The following ARHGEF18 variants were observed in gnomAD, a reference collection of about 807,000 sequenced individuals.
The protein encoded by ARHGEF18 is rho guanine nucleotide exchange factor 18.
A neutral mutation model predicts 155.7 loss-of-function variants in ARHGEF18; 93 were observed. The observed-to-expected ratio is 0.60, with a 90% CI of 0.50 to 0.71. The LOEUF is 0.71. Among genes scored for constraint, ARHGEF18 ranks in the 30% least tolerant of loss-of-function variants. The pLI, the probability that ARHGEF18 is intolerant of heterozygous loss-of-function variation, is 0.00. For missense variants in ARHGEF18, 1,593 were observed against 1,816.1 expected, an observed-to-expected ratio of 0.88 and a Z score of 2.23; for synonymous variants, 742 against 753.1, an observed-to-expected ratio of 0.99 and a Z score of 0.24.
chr19:7,385,445 T>TTATTAC (rs1970955012), intron 10 of ARHGEF18, among the ~76,000 whole-genome samples: 1 of 83,402 alleles, frequency 1.2e-5, no homozygotes, highest in Non-Finnish European at 2.2e-5. Context: ...GGGAACTTCA[T>TTATTAC]TATTATTATT....
downstream of ARHGEF18, chr19:7,477,463 A>C: frequency 7.2e-7 from 1 of 1,391,724 alleles, no homozygotes; most frequent in East Asian, 2.8e-5. Context: ...GGCCGCTTAC[A>C]CTCACGCTCA....
In ARHGEF18 at chr19:7,440,583, A is replaced by G; in HGVS notation, c.1106+101A>G. 2.2e-6 allele frequency: 3 copies of G among 1,363,116 alleles called. No homozygotes were observed. Among genetic ancestry groups the G allele is most frequent in the Non-Finnish European group, 2.9e-6 (3 of 1,018,046 alleles). The allele number at this position is 1,363,116 out of a possible 1,614,324, so 84.4% of individuals were successfully genotyped here. ...GGAGACCCCGACTTAGATCTGTGTG[A>G]ATCCACACGGCAGCCCCCGTGCTAA... On this transcript the variant is annotated intron_variant, in intron 11 of 28. Transcript: ENST00000668164. This position sits in a 1 kb window ranked among gnomAD's most constrained non-coding sequence, Gnocchi z 5.4.
chr19:7,458,406 G>A (rs1239046324), intron 18 of ARHGEF18, 106 bp from the exon 19 acceptor site: 1 of 998,874 alleles, frequency 1.0e-6, no homozygotes, highest in Non-Finnish European at 1.4e-6. Context: ...AAGAAATGAG[G>A]AGCGTGACCC....
intron 20 of ARHGEF18, among the ~76,000 whole-genome samples, chr19:7,461,464 C>T (rs1333210551): frequency 2.6e-5 from 4 of 152,034 alleles, no homozygotes; most frequent in East Asian, 1.9e-4. Flanking sequence ...GCAGGAGAAT[C>T]GCTTGAACCC....
chr19:7,459,788 A>G (rs1182152476), intron 19 of ARHGEF18, 115 bp from the exon 20 acceptor site: 3 of 836,130 alleles, frequency 3.6e-6, no homozygotes, highest in Non-Finnish European at 5.6e-6. Flanking sequence ...CGAACAAGCT[A>G]AATCACTCCC....
intron 15 of ARHGEF18, among the ~76,000 whole-genome samples, chr19:7,449,886 C>G (rs2145821615): frequency 6.6e-6 from 1 of 152,254 alleles, no homozygotes; most frequent in African/African-American, 2.4e-5. Flanking sequence ...CTGTGTTGCC[C>G]AGGCTGGTCT....
chr19:7,421,521 G>T lies in ARHGEF18; in HGVS notation c.968-18823G>T, dbSNP rs1973350473. Among the ~76,000 whole-genome samples, 4 of 152,120 alleles carry T rather than the reference G, an allele frequency of 2.6e-5. 1 individual carries two copies. The highest frequency in any genetic ancestry group is 2.6e-4 in the Admixed American group (4 of 15,256). ...CACACCTGTAATCCCAGCACTTTGG[G>T]AGGCCAAGGCAGGCAGATTACCTGA... On this transcript the variant is annotated intron_variant, in intron 10 of 28. Coordinates refer to ENST00000668164, the MANE Select transcript of ARHGEF18 (RefSeq NM_001367823.1).
At chr19:7,366,351 C>T (rs1568268803) in intron 2 of ARHGEF18, among the ~76,000 whole-genome samples, 1 of 152,212 alleles carries the variant, frequency 6.6e-6, no homozygotes, top group Non-Finnish European at 1.5e-5. Context: ...ACTCGTGTTC[C>T]CCAACGGTCC....
chr19:7,350,787 T>G lies in ARHGEF18; in HGVS notation c.-111+1546T>G, dbSNP rs910537213. Among the ~76,000 whole-genome samples the G allele has an allele frequency of 4.4e-3, 666 of 149,864 alleles. 30 individuals are homozygous for G. In the East Asian group the frequency reaches 0.1, roughly 22 times the overall value. On this transcript the variant is annotated intron_variant, in intron 1 of 28. Coordinates refer to ENST00000668164, the MANE Select transcript of ARHGEF18 (RefSeq NM_001367823.1). ...GGGTGGGTGTGTGTGTGTGTGTGTG[T>G]GTGTGTGTGTGTGTGTGTGTGTGTG...
chr19:7,439,567 A>C, intron 10 of ARHGEF18: 4 of 488,684 alleles, frequency 8.2e-6, no homozygotes, highest in Non-Finnish European at 8.1e-6. Flanking sequence ...GGGTGTAGAC[A>C]GCGGTTTGCA....
At chr19:7,413,294 C>CTTTTTTTT (rs71179106) in intron 10 of ARHGEF18, among the ~76,000 whole-genome samples, 1 of 138,290 alleles carries the variant, frequency 7.2e-6, no homozygotes, top group African/African-American at 2.7e-5. Flanking sequence ...AAACAAAAAG[C>CTTTTTTTT]TTTTTTTTTT....
At position 7,401,901 on chromosome 19, in the gene ARHGEF18, A is replaced by G. The variant is rs189193842; in HGVS notation, c.967+18698A>G. ...ACTGTGGAATATTACTTGGCCATGA[A>G]AAAGAAGTTCCGATACAGAGATGGA... is the stretch of plus-strand genomic sequence containing the variant. On this transcript the variant is annotated intron_variant, in intron 10 of 28. Coordinates refer to ENST00000668164, the MANE Select transcript of ARHGEF18 (RefSeq NM_001367823.1). 1.4e-4 allele frequency among the ~76,000 whole-genome samples: 22 copies of G among 152,334 alleles called. No homozygotes were observed. In the East Asian group the frequency reaches 3.9e-3, roughly 27 times the overall value.
intron 23 of ARHGEF18, among the ~76,000 whole-genome samples, 187 bp downstream of exon 23, chr19:7,464,877 C>G (rs986741246): frequency 3.2e-4 from 49 of 152,296 alleles, no homozygotes; most frequent in African/African-American, 1.2e-3. Context: ...CTGCAGCCTC[C>G]TGGGAAAAGC....
intron 20 of ARHGEF18, among the ~76,000 whole-genome samples, chr19:7,460,293 C>T (rs111784933): frequency 0.028 from 4,300 of 152,162 alleles, 190 homozygotes; most frequent in African/African-American, 0.094. Context: ...CATCCTCGTG[C>T]AGCCAGGAGC....
chr19:7,389,494 C>T (rs1471499320), intron 10 of ARHGEF18, among the ~76,000 whole-genome samples: 1 of 71,968 alleles, frequency 1.4e-5, no homozygotes, highest in Non-Finnish European at 2.9e-5. Flanking sequence ...CTTCTTCCTT[C>T]CTCCCTTCCT....
At chr19:7,387,911 CA>C (rs1378723647) in intron 10 of ARHGEF18, among the ~76,000 whole-genome samples, 2 of 151,736 alleles carry the variant, frequency 1.3e-5, no homozygotes, top group African/African-American at 4.8e-5. Context: ...GTGATACACC[CA>C]CCTCAGCCTC....
chr19:7,362,011 AAGAAGGAGAAGG>A (rs1568264312), intron 1 of ARHGEF18, among the ~76,000 whole-genome samples: 1 of 85,328 alleles, frequency 1.2e-5, no homozygotes, highest in Non-Finnish European at 2.2e-5. Flanking sequence ...GAAGAAGAAG[AAGAAGGAGAAGG>A]AGAAGGAGAA....
intron 10 of ARHGEF18, among the ~76,000 whole-genome samples, chr19:7,435,481 C>T (rs1045277376): frequency 6.6e-6 from 1 of 151,994 alleles, no homozygotes; most frequent in African/African-American, 2.4e-5. Context: ...TGTGGTTTCC[C>T]GGGGAACAAA....
chr19:7,375,366 G>A (rs1423971069), intron 3 of ARHGEF18, among the ~76,000 whole-genome samples: 109 of 139,676 alleles, frequency 7.8e-4, no homozygotes, highest in African/African-American at 2.7e-3. Context: ...AGGAAGGAAG[G>A]AAGGAAGGAA....
Sources: gnomAD v4.1 joint callset for allele counts (sites outside exome capture counted in the v4.1 genomes callset) on GRCh38, gnomAD v4.1.1 for gene constraint, Gnocchi (gnomAD v3.1) non-coding constraint, MANE v1.5 for transcripts, NCBI Gene and HGNC (gene_info 2026-07-23, HGNC 2026-07-21) for gene names.